WNT7A: variants seen among roughly 807,000 people sequenced by gnomAD.
The protein encoded by WNT7A is protein Wnt-7a.
In WNT7A, 16 loss-of-function variants were observed where a neutral mutation model predicts 28.2. The observed-to-expected ratio is 0.57, with a 90% confidence interval of 0.38 to 0.86. WNT7A has a LOEUF of 0.86. Ranked by LOEUF, WNT7A falls within the 40% of genes least tolerant of loss-of-function variation. The pLI is 0.00. For missense variants in WNT7A, 411 were observed against 489.7 expected, an observed-to-expected ratio of 0.84 and a Z score of 1.52; for synonymous variants, 190 against 195.9, an observed-to-expected ratio of 0.97 and a Z score of 0.25.
chr3:13,840,973 T>C (rs1326970831), intron 3 of WNT7A, among the ~76,000 whole-genome samples: 1 of 152,222 alleles, frequency 6.6e-6, no homozygotes, highest in Non-Finnish European at 1.5e-5. Context: ...TTACATGCAG[T>C]AATTCACTCT....
At chr3:13,824,614 C>T (rs368704758) in intron 3 of WNT7A, among the ~76,000 whole-genome samples, 8 of 152,180 alleles carry the variant, frequency 5.3e-5, no homozygotes, top group South Asian at 2.1e-4. Context: ...GCAGCAGGGC[C>T]GAGCCGAGCC....
intron 3 of WNT7A, among the ~76,000 whole-genome samples, chr3:13,832,422 G>C (rs898707165): frequency 5.6e-5 from 8 of 142,714 alleles, no homozygotes; most frequent in Non-Finnish European, 7.6e-5. Context: ...CTTCTCACAG[G>C]CTCCTCCTCT....
At chr3:13,875,317 T>C (rs1339696795) in intron 1 of WNT7A, 144 bp from the exon 2 acceptor site, 3 of 737,930 alleles carry the variant, frequency 4.1e-6, no homozygotes, top group South Asian at 3.1e-5. Flanking sequence ...CCCTAACTCA[T>C]GTCCATTCGA....
At chr3:13,847,084 A>G (rs1018549547) in intron 3 of WNT7A, among the ~76,000 whole-genome samples, 3 of 152,150 alleles carry the variant, frequency 2.0e-5, no homozygotes. Context: ...GGCATCACTG[A>G]CAGGACCTGG....
intron 2 of WNT7A, among the ~76,000 whole-genome samples, chr3:13,868,400 A>C (rs1694943739): frequency 1.3e-5 from 2 of 151,588 alleles, no homozygotes; most frequent in Admixed American, 1.3e-4. Context: ...GCTTGAGCCC[A>C]GGAGGTGGAG....
At chr3:13,856,893 A>AAAGAAGAAGAAGAAGAAGAAG (rs775537679) in intron 2 of WNT7A, among the ~76,000 whole-genome samples, 3 of 73,288 alleles carry the variant, frequency 4.1e-5, no homozygotes, top group Non-Finnish European at 7.7e-5. Flanking sequence ...AGAAGAAGAA[A>AAAGAAGAAGAAGAAGAAGAAG]AAGAAGAAGA....
intron 2 of WNT7A, among the ~76,000 whole-genome samples, chr3:13,858,551 C>T (rs1397795878): frequency 6.6e-6 from 1 of 152,188 alleles, no homozygotes; most frequent in Non-Finnish European, 1.5e-5. Context: ...AGGGCAGCTG[C>T]ACCTTGGGGC....
At chr3:13,873,297 C>T (rs551457575) in intron 2 of WNT7A, among the ~76,000 whole-genome samples, 85 of 152,116 alleles carry the variant, frequency 5.6e-4, no homozygotes, top group Non-Finnish European at 1.1e-3. Flanking sequence ...GAAAGATCCT[C>T]TGCCAACTTC....
intron 3 of WNT7A, among the ~76,000 whole-genome samples, chr3:13,830,179 C>A (rs867712966): frequency 3.3e-5 from 5 of 152,238 alleles, no homozygotes; most frequent in African/African-American, 1.2e-4. Context: ...CGTTCCTGAA[C>A]CTCCTCCAAA....
intron 3 of WNT7A, among the ~76,000 whole-genome samples, chr3:13,824,392 A>C (rs1694162071): frequency 6.6e-6 from 1 of 152,140 alleles, no homozygotes; most frequent in Non-Finnish European, 1.5e-5. Flanking sequence ...ACTCAGCATA[A>C]AGTTTTCAGG....
chr3:13,873,083 G>C (rs906404554), intron 2 of WNT7A, among the ~76,000 whole-genome samples: 1 of 152,060 alleles, frequency 6.6e-6, no homozygotes, highest in Non-Finnish European at 1.5e-5. Context: ...AGCAAGGGGA[G>C]GCTCACAAGA....
At chr3:13,829,647 A>G (rs1397736185) in intron 3 of WNT7A, among the ~76,000 whole-genome samples, 1 of 151,992 alleles carries the variant, frequency 6.6e-6, no homozygotes, top group East Asian at 1.9e-4. Flanking sequence ...TCTGAGTCTC[A>G]GTTTTCCTTA....
intron 2 of WNT7A, among the ~76,000 whole-genome samples, chr3:13,862,039 C>T (rs1694839544): frequency 6.6e-6 from 1 of 152,230 alleles, no homozygotes; most frequent in South Asian, 2.1e-4. Flanking sequence ...CTCCTGTCTA[C>T]TTCTCATTCA....
At chr3:13,867,493 G>A (rs1694929470) in intron 2 of WNT7A, among the ~76,000 whole-genome samples, 1 of 152,180 alleles carries the variant, frequency 6.6e-6, no homozygotes, top group African/African-American at 2.4e-5. Context: ...TGTCTCCCAG[G>A]AATGAGACGG....
At chr3:13,856,957 A>AGAAGG (rs1694751670) in intron 2 of WNT7A, among the ~76,000 whole-genome samples, 2 of 105,700 alleles carry the variant, frequency 1.9e-5, no homozygotes, top group Non-Finnish European at 3.8e-5. Flanking sequence ...GAAGAAGAAG[A>AGAAGG]AGAAGAAGAA....
intron 3 of WNT7A, among the ~76,000 whole-genome samples, chr3:13,848,724 G>A (rs769608485): frequency 2.6e-5 from 4 of 152,144 alleles, no homozygotes; most frequent in Non-Finnish European, 5.9e-5. Flanking sequence ...TCAGACATTT[G>A]TGCTCTTGGA....
Position 13,879,847 on chromosome 3 carries a change from G to C in WNT7A, c.-31C>G, listed in dbSNP as rs773493605. ...CGATTGGCCGCCGGGGCCGCGGGCC[G>C]GGCTGTGCTGATCCCGCGGGCCGGC... On this transcript the variant is annotated 5_prime_UTR_variant, in exon 1 of 4. Coordinates refer to ENST00000285018, the MANE Select transcript of WNT7A (RefSeq NM_004625.4). 1 of 1,591,878 alleles carries C rather than the reference G, an allele frequency of 6.3e-7. No homozygotes were observed. The highest frequency in any genetic ancestry group is 8.6e-7 in the Non-Finnish European group (1 of 1,168,000).
At chr3:13,835,517 T>C (rs1296508585) in intron 3 of WNT7A, among the ~76,000 whole-genome samples, 1 of 152,202 alleles carries the variant, frequency 6.6e-6, no homozygotes, top group Non-Finnish European at 1.5e-5. Context: ...GCCACCCCCA[T>C]GGGGATGCAG....
At chr3:13,834,038 CA>C in intron 3 of WNT7A, among the ~76,000 whole-genome samples, 1 of 152,204 alleles carries the variant, frequency 6.6e-6, no homozygotes, top group African/African-American at 2.4e-5. Flanking sequence ...CAGCTTCCAC[CA>C]ATGGTGGCCC....
Sources: allele counts gnomAD v4.1 joint callset (sites outside exome capture counted in the v4.1 genomes callset), GRCh38; gene constraint gnomAD v4.1.1; transcripts MANE v1.5; gene names NCBI Gene and HGNC (gene_info 2026-07-23, HGNC 2026-07-21).